Variants in CDKAL1 observed in about 807,000 individuals in gnomAD.
CDKAL1 encodes the protein threonylcarbamoyladenosine tRNA methylthiotransferase.
A neutral mutation model predicts 68.2 loss-of-function variants in CDKAL1; 32 were observed. That is an observed-to-expected ratio of 0.47 (90% CI 0.35 to 0.63). The LOEUF is 0.63. Ranked by LOEUF, CDKAL1 falls within the 30% of genes least tolerant of loss-of-function variation. The probability of loss-of-function intolerance (pLI) is 0.00; values close to 1 mark genes in which losing one functional copy is unlikely to be tolerated. For missense variants in CDKAL1, 606 were observed against 696.7 expected (o/e 0.87, Z 1.47); for synonymous variants, 234 against 244.3 (o/e 0.96, Z 0.39).
chr6:20,781,318 AG>A (rs770589498), intron 8 of CDKAL1, 53 bp downstream of exon 8: 8 of 1,498,600 alleles, frequency 5.3e-6, no homozygotes, highest in Non-Finnish European at 7.2e-6. Flanking sequence ...TCATGAATTC[AG>A]TTTTTTTTTC....
At chr6:20,552,753 C>T (rs1333054378) in intron 4 of CDKAL1, among the ~76,000 whole-genome samples, 1 of 151,850 alleles carries the variant, frequency 6.6e-6, no homozygotes, top group Non-Finnish European at 1.5e-5. Flanking sequence ...GGCTTGCATG[C>T]AGCAGACTGT....
At position 21,034,256 on chromosome 6, in the gene CDKAL1, T is replaced by TA. The variant is rs148590576; in HGVS notation, c.1056-30791dup. On this transcript the variant is annotated intron_variant, in intron 11 of 15. Transcript: ENST00000274695. Reference sequence around the variant, plus strand: ...AGTTCCTCAGAATCTGGAAGGAAGATACAGAAGATGAAGACAAAACTCTGC... The same window carrying TA: ...AGTTCCTCAGAATCTGGAAGGAAGATAACAGAAGATGAAGACAAAACTCTGC... Among the ~76,000 whole-genome samples the TA allele has an allele frequency of 5.0e-3, 766 of 152,228 alleles. 5 individuals carry two copies. Among genetic ancestry groups the TA allele is most frequent in the African/African-American group, 0.017 (700 of 41,534 alleles).
At chr6:20,718,848 T>G (rs1772212889) in intron 5 of CDKAL1, among the ~76,000 whole-genome samples, 2 of 152,180 alleles carry the variant, frequency 1.3e-5, no homozygotes, top group Non-Finnish European at 2.9e-5. Flanking sequence ...TTCTTACTAT[T>G]TGGAAAAGAA....
rs1357443563 is a variant in CDKAL1 at position 20,843,800 on chromosome 6, T to C, written c.639-2275T>C. Among the ~76,000 whole-genome samples, 5 of 152,272 alleles carry C rather than the reference T, an allele frequency of 3.3e-5. No individual in the cohort carries two copies. In the South Asian group the frequency reaches 1.0e-3, roughly 32 times the overall value. ...GATTGTTCACTTAATTTATGGAGCT[T>C]TCCATTGGTTATAGGACAAATAAGG... On this transcript the variant is annotated intron_variant, in intron 8 of 15. Transcript: ENST00000274695.
chr6:21,231,134 T>C lies in CDKAL1; in HGVS notation c.*95T>C. 1.1e-6 allele frequency: 1 copy of C among 946,238 alleles called. No homozygotes were observed. The highest frequency in any genetic ancestry group is 1.6e-5 in the African/African-American group (1 of 60,920). 58.6% of individuals were successfully genotyped at this position (946,238 alleles called of 1,614,324 possible). On this transcript the variant is annotated 3_prime_UTR_variant, in exon 16 of 16. Transcript: ENST00000274695. ...CGACATCTCCATTCTCCAAGGGCAATAATTTGTACTGGTCATGCTGCCTCC... is the reference window on the plus strand; with the variant it reads ...CGACATCTCCATTCTCCAAGGGCAACAATTTGTACTGGTCATGCTGCCTCC...
At chr6:20,541,623 C>G (rs1385594285) in intron 2 of CDKAL1, among the ~76,000 whole-genome samples, 5 of 152,150 alleles carry the variant, frequency 3.3e-5, no homozygotes, top group African/African-American at 1.2e-4. Context: ...GTCATGTTCC[C>G]CATTCCAGTG....
intron 8 of CDKAL1, among the ~76,000 whole-genome samples, chr6:20,821,952 ACT>A: frequency 6.6e-6 from 1 of 152,280 alleles, no homozygotes; most frequent in African/African-American, 2.4e-5. Flanking sequence ...AGGTCAGCAA[ACT>A]CTGGCCCATG....
intron 13 of CDKAL1, among the ~76,000 whole-genome samples, chr6:21,172,309 T>G (rs1197700136): frequency 1.3e-5 from 2 of 152,170 alleles, no homozygotes; most frequent in African/African-American, 2.4e-5. Flanking sequence ...ATCCCCTGTT[T>G]TATTATTCCT....
intron 4 of CDKAL1, among the ~76,000 whole-genome samples, chr6:20,601,904 T>A (rs1181167170): frequency 6.6e-6 from 1 of 152,122 alleles, no homozygotes; most frequent in Non-Finnish European, 1.5e-5. Context: ...CATACAGTAG[T>A]TGTTATTGGC....
intron 13 of CDKAL1, among the ~76,000 whole-genome samples, chr6:21,128,074 C>T (rs73383756): frequency 0.22 from 32,722 of 152,076 alleles, 3,907 homozygotes; most frequent in African/African-American, 0.31. Context: ...TACAATGGTC[C>T]GACTTACAAG....
In CDKAL1 at chr6:20,637,564, A is replaced by G. The variant is rs967011956; in HGVS notation, c.287-11729A>G. On this transcript the variant is annotated intron_variant, in intron 4 of 15. Coordinates refer to ENST00000274695, the MANE Select transcript of CDKAL1 (RefSeq NM_017774.3). ...GGCAACAGAGCGAAACTCTGTCTCAACAACAACAAAAAAGAAATGAGGAGA... is the reference window on the plus strand; with the variant it reads ...GGCAACAGAGCGAAACTCTGTCTCAGCAACAACAAAAAAGAAATGAGGAGA... Among the ~76,000 whole-genome samples, 4 of 152,320 alleles carry G rather than the reference A, an allele frequency of 2.6e-5. No homozygotes were observed. In the East Asian group the frequency reaches 7.7e-4, roughly 29 times the overall value.
intron 9 of CDKAL1, among the ~76,000 whole-genome samples, chr6:20,859,184 T>C (rs1759487136): frequency 6.6e-6 from 1 of 152,018 alleles, no homozygotes; most frequent in Non-Finnish European, 1.5e-5. Flanking sequence ...TTCTCTTTGA[T>C]CATGTGGTAG....
chr6:20,804,504 A>C (rs1473266757), intron 8 of CDKAL1, among the ~76,000 whole-genome samples: 1 of 152,254 alleles, frequency 6.6e-6, no homozygotes, highest in Non-Finnish European at 1.5e-5. Flanking sequence ...ATAAAAAGAA[A>C]CATAATAATT....
intron 9 of CDKAL1, among the ~76,000 whole-genome samples, chr6:20,923,750 C>T (rs933086985): frequency 2.0e-5 from 3 of 152,200 alleles, no homozygotes; most frequent in Admixed American, 6.5e-5. Context: ...TGGCGGCACA[C>T]GCCTGTAATC....
intron 9 of CDKAL1, among the ~76,000 whole-genome samples, chr6:20,866,341 G>C (rs1221762956): frequency 6.6e-6 from 1 of 152,072 alleles, no homozygotes; most frequent in African/African-American, 2.4e-5. Flanking sequence ...AAAAAGAAAA[G>C]ATTAGCATCT....
chr6:21,187,831 C>T (rs1354020591), intron 13 of CDKAL1, among the ~76,000 whole-genome samples: 3 of 152,014 alleles, frequency 2.0e-5, no homozygotes, highest in Non-Finnish European at 4.4e-5. Context: ...AGAAAGTGAC[C>T]TATTAAATGT....
chr6:20,620,556 G>T (rs952449281), intron 4 of CDKAL1, among the ~76,000 whole-genome samples: 2 of 152,192 alleles, frequency 1.3e-5, no homozygotes, highest in African/African-American at 4.8e-5. Context: ...ATGGAGTGAG[G>T]ATTTGAAGCT....
intron 9 of CDKAL1, among the ~76,000 whole-genome samples, chr6:20,898,339 T>C (rs145277797): frequency 2.8e-3 from 426 of 150,732 alleles, no homozygotes; most frequent in Non-Finnish European, 4.5e-3. Context: ...CAACCATGCC[T>C]CCTATGACAT....
intron 5 of CDKAL1, among the ~76,000 whole-genome samples, chr6:20,677,217 C>A (rs1326619180): frequency 1.4e-5 from 2 of 144,824 alleles, no homozygotes; most frequent in Non-Finnish European, 3.0e-5. Flanking sequence ...ATTACAGACA[C>A]CTGCCACCAG....
Sources: gnomAD v4.1 joint callset for allele counts (sites outside exome capture counted in the v4.1 genomes callset) on GRCh38, gnomAD v4.1.1 for gene constraint, MANE v1.5 for transcripts, NCBI Gene and HGNC (gene_info 2026-07-23, HGNC 2026-07-21) for gene names.